The following SLC36A1 variants were observed in gnomAD, a reference collection of about 807,000 sequenced individuals.
The protein encoded by SLC36A1 is proton-coupled amino acid transporter 1.
A neutral mutation model predicts 47.5 loss-of-function variants in SLC36A1; 30 were observed. The observed-to-expected ratio is 0.63, with a 90% CI of 0.47 to 0.86. The LOEUF (loss-of-function observed/expected upper bound fraction) is 0.86. SLC36A1 is among the 40% of genes least tolerant of loss of function. SLC36A1 has a pLI of 0.00. For synonymous variants in SLC36A1, 255 were observed against 249.7 expected (o/e 1.02, Z -0.20); for missense variants, 517 against 606.0 (o/e 0.85, Z 1.54).
chr5:151,546,212 G>T, the SLC36A1 span: 3 of 1,614,188 alleles, frequency 1.9e-6, no homozygotes, highest in Non-Finnish European at 2.5e-6. Flanking sequence ...TCATGCCATT[G>T]TGGGGAGCCT....
the SLC36A1 span, among the ~76,000 whole-genome samples, chr5:151,357,482 G>A: frequency 2.0e-5 from 3 of 152,248 alleles, no homozygotes; most frequent in Non-Finnish European, 4.4e-5. Context: ...TTTGGGCCAA[G>A]TATTAATACT....
the SLC36A1 span, among the ~76,000 whole-genome samples, chr5:151,391,241 T>G: frequency 6.6e-6 from 1 of 152,236 alleles, no homozygotes; most frequent in African/African-American, 2.4e-5. Flanking sequence ...TTCTGATTTT[T>G]GCACATTGAT....
chr5:151,459,474 T>G (rs992604111), intron 2 of SLC36A1, among the ~76,000 whole-genome samples: 1 of 152,224 alleles, frequency 6.6e-6, no homozygotes, highest in African/African-American at 2.4e-5. Flanking sequence ...TCATTTGGGC[T>G]GAGTTTGGCC....
the SLC36A1 span, among the ~76,000 whole-genome samples, chr5:151,394,381 C>T: frequency 6.6e-6 from 1 of 152,230 alleles, no homozygotes; most frequent in South Asian, 2.1e-4. Context: ...GTTTGATCAT[C>T]TGAAGCCTTC....
At chr5:151,522,114 C>G in the SLC36A1 span, 3 of 1,520,084 alleles carry the variant, frequency 2.0e-6, no homozygotes, top group Non-Finnish European at 2.7e-6. Context: ...ACTGCTGTCA[C>G]CCAACAGAAC....
the SLC36A1 span, among the ~76,000 whole-genome samples, chr5:151,546,643 C>T: frequency 6.6e-6 from 1 of 152,140 alleles, no homozygotes; most frequent in Admixed American, 6.5e-5. Flanking sequence ...AAACACACTC[C>T]ACCCTGAATT....
At chr5:151,515,960 C>T in the SLC36A1 span, among the ~76,000 whole-genome samples, 1 of 152,184 alleles carries the variant, frequency 6.6e-6, no homozygotes, top group Non-Finnish European at 1.5e-5. Flanking sequence ...AGATATGCCC[C>T]ATCCCATTAC....
the SLC36A1 span, among the ~76,000 whole-genome samples, chr5:151,403,613 C>T: frequency 0.023 from 3,552 of 152,264 alleles, 122 homozygotes; most frequent in East Asian, 0.14. Flanking sequence ...TAAAACCTTT[C>T]TTCTTAAAAA....
chr5:151,527,789 G>A, the SLC36A1 span, among the ~76,000 whole-genome samples: 1 of 152,130 alleles, frequency 6.6e-6, no homozygotes, highest in East Asian at 1.9e-4. Context: ...GGTCCTCTAG[G>A]GAAGGTTACG....
downstream of SLC36A1, among the ~76,000 whole-genome samples, chr5:151,493,479 ACT>A (rs528683497): frequency 1.5e-4 from 23 of 152,100 alleles, no homozygotes; most frequent in African/African-American, 5.1e-4. Flanking sequence ...GGTTCCCATG[ACT>A]CTGTTTTGGG....
At chr5:151,349,790 C>T in the SLC36A1 span, among the ~76,000 whole-genome samples, 2 of 152,110 alleles carry the variant, frequency 1.3e-5, no homozygotes, top group African/African-American at 2.4e-5. Flanking sequence ...ACTTTTAAAA[C>T]GTGGTGTGTA....
At chr5:151,415,177 C>T in the SLC36A1 span, among the ~76,000 whole-genome samples, 1 of 152,274 alleles carries the variant, frequency 6.6e-6, no homozygotes, top group Non-Finnish European at 1.5e-5. Flanking sequence ...TGCAAAAAAT[C>T]AACTTCCACT....
At chr5:151,346,779 A>G in the SLC36A1 span, among the ~76,000 whole-genome samples, 1 of 152,102 alleles carries the variant, frequency 6.6e-6, no homozygotes, top group African/African-American at 2.4e-5. Context: ...AAAAAACTAG[A>G]ACTTTCCACA....
At chr5:151,435,543 T>TA (rs150708605), upstream of SLC36A1, among the ~76,000 whole-genome samples, 2,289 of 152,220 alleles carry the variant, frequency 0.015, 46 homozygotes, top group African/African-American at 0.052. Flanking sequence ...ATTATTATTA[T>TA]AAAAAATGGA....
chr5:151,550,514 A>G, the SLC36A1 span: 1 of 1,502,808 alleles, frequency 6.7e-7, no homozygotes, highest in Non-Finnish European at 9.1e-7. Flanking sequence ...GGGGACCTTC[A>G]GCATGTCTCC....
chr5:151,434,104 T>C (rs1759629305), upstream of SLC36A1, among the ~76,000 whole-genome samples: 1 of 152,206 alleles, frequency 6.6e-6, no homozygotes, highest in African/African-American at 2.4e-5. Flanking sequence ...ATACAAAGTC[T>C]TTCAGGAGGG....
At chr5:151,389,211 C>T in the SLC36A1 span, among the ~76,000 whole-genome samples, 1 of 152,056 alleles carries the variant, frequency 6.6e-6, no homozygotes, top group African/African-American at 2.4e-5. Context: ...ATGTTGTAAC[C>T]ATTCCAGAGA....
At chr5:151,531,276 G>A in the SLC36A1 span, among the ~76,000 whole-genome samples, 3 of 152,188 alleles carry the variant, frequency 2.0e-5, no homozygotes, top group Admixed American at 2.0e-4. This position sits in a 1 kb window ranked among gnomAD's most constrained non-coding sequence, Gnocchi z 5.7. Context: ...TGCCTCCTGC[G>A]CTGGGCCTGA....
At chr5:151,402,314 GAAC>G in the SLC36A1 span, among the ~76,000 whole-genome samples, 1 of 152,122 alleles carries the variant, frequency 6.6e-6, no homozygotes, top group Non-Finnish European at 1.5e-5. Context: ...GGTGTGTGCT[GAAC>G]CAACCTTGCA....
Sources: gnomAD v4.1 joint callset for allele counts (sites outside exome capture counted in the v4.1 genomes callset) on GRCh38, gnomAD v4.1.1 for gene constraint, Gnocchi (gnomAD v3.1) non-coding constraint, MANE v1.5 for transcripts, NCBI Gene and HGNC (gene_info 2026-07-23, HGNC 2026-07-21) for gene names.